Variants in RRM1 observed in about 807,000 individuals in gnomAD.
RRM1 encodes the protein ribonucleoside-diphosphate reductase large subunit.
Under a neutral mutation model 101.5 loss-of-function variants are expected in RRM1, and 19 were observed. The ratio of observed to expected loss-of-function variants is 0.19; its 90% CI spans 0.13 to 0.27. The LOEUF (loss-of-function observed/expected upper bound fraction) is 0.27. Ranked by LOEUF, RRM1 falls within the 10% of genes least tolerant of loss-of-function variation. The pLI is 1.00. For missense variants in RRM1, 500 were observed against 962.9 expected, an observed-to-expected ratio of 0.52 and a Z score of 6.36; for synonymous variants, 298 against 323.4, an observed-to-expected ratio of 0.92 and a Z score of 0.84.
intron 16 of RRM1, among the ~76,000 whole-genome samples, 186 bp from the exon 17 acceptor site, chr11:4,133,377 G>A (rs2094603611): frequency 1.3e-5 from 2 of 152,260 alleles, no homozygotes; most frequent in Middle Eastern, 3.4e-3. Context: ...CAGATGTCAA[G>A]ATCTTAAAGG....
chr11:4,128,776 C>T (rs902155536), intron 14 of RRM1, among the ~76,000 whole-genome samples: 1 of 152,122 alleles, frequency 6.6e-6, no homozygotes, highest in African/African-American at 2.4e-5. Flanking sequence ...AAGAAAGTAA[C>T]ATTTTTAGTG....
Position 4,129,150 on chromosome 11 carries a change from A to G in RRM1, c.1769A>G (p.Lys590Arg). ...DWKVLKEKIA[K>R]YGIRNSLLIA... Reference sequence around the variant, plus strand: ...AAGGTTCTCAAGGAGAAGATTGCAAAGTAAGTGAAAAGATGTAAAGTAGCT... The same window carrying G: ...AAGGTTCTCAAGGAGAAGATTGCAAGGTAAGTGAAAAGATGTAAAGTAGCT... Residue 590 changes from lysine (K) to arginine (R), a missense_variant and splice_region_variant, in exon 15 of 19, where the codon AAG becomes AGG. This residue lies in a region of RRM1 where 106 missense variants were observed against 138.1 expected (regional missense o/e 0.77). Coordinates refer to ENST00000300738, the MANE Select transcript of RRM1 (RefSeq NM_001033.5). 6.3e-7 allele frequency: 1 copy of G among 1,586,796 alleles called. No individual in the cohort carries two copies. Among genetic ancestry groups the G allele is most frequent in the Non-Finnish European group, 8.6e-7 (1 of 1,157,382 alleles).
rs181627890 is a variant in RRM1 at position 4,108,515 on chromosome 11, G to A, written c.387+980G>A. Among the ~76,000 whole-genome samples the A allele has an allele frequency of 6.2e-3, 900 of 145,524 alleles. 9 individuals carry two copies. The highest frequency in any genetic ancestry group is 0.021 in the African/African-American group (825 of 39,884). On this transcript the variant is annotated intron_variant, in intron 4 of 18. Transcript: ENST00000300738. Reference sequence around the variant, plus strand: ...CAGGAGGCTGAGGCTAGAGAATGGCGTGAACCCGGGAGGCGGAGCTTGCAG... The same window carrying A: ...CAGGAGGCTGAGGCTAGAGAATGGCATGAACCCGGGAGGCGGAGCTTGCAG...
At chr11:4,102,386 C>T (rs768103403) in intron 2 of RRM1, among the ~76,000 whole-genome samples, 2 of 152,078 alleles carry the variant, frequency 1.3e-5, no homozygotes, top group Non-Finnish European at 2.9e-5. Context: ...GGCCAGGCGC[C>T]GTGGCTCACG....
chr11:4,119,570 T>C, intron 8 of RRM1: 21 of 370,098 alleles, frequency 5.7e-5, no homozygotes. Flanking sequence ...TAAATTTAGC[T>C]ACCTTGATTT....
chr11:4,100,931 A>G (rs891940485), intron 1 of RRM1, among the ~76,000 whole-genome samples: 2 of 152,196 alleles, frequency 1.3e-5, no homozygotes, highest in South Asian at 4.1e-4. Context: ...AGAATAAATA[A>G]AGGTCGGATG....
chr11:4,102,596 G>A (rs1419901779), intron 2 of RRM1, among the ~76,000 whole-genome samples: 1 of 150,822 alleles, frequency 6.6e-6, no homozygotes, highest in African/African-American at 2.4e-5. Flanking sequence ...AGGTTGCAGT[G>A]AGCCGAGATC....
chr11:4,132,226 G>T lies in RRM1; in HGVS notation c.1770-60G>T. 2 of 1,548,378 alleles carry T rather than the reference G, an allele frequency of 1.3e-6. No homozygotes were observed. Among genetic ancestry groups the T allele is most frequent in the Non-Finnish European group, 1.8e-6 (2 of 1,121,984 alleles). On this transcript the variant is annotated intron_variant, in intron 15 of 18. Coordinates refer to ENST00000300738, the MANE Select transcript of RRM1 (RefSeq NM_001033.5). This position sits in a 1 kb window ranked among gnomAD's most constrained non-coding sequence, Gnocchi z 4.1. Reference sequence around the variant, plus strand: ...ACATTTACTACAGTGACTTAAAGTAGCTGCTTTCCTGGCAGATTGTAGCTT... The same window carrying T: ...ACATTTACTACAGTGACTTAAAGTATCTGCTTTCCTGGCAGATTGTAGCTT...
At chr11:4,135,322 C>T in intron 18 of RRM1, 52 bp downstream of exon 18, 1 of 1,385,230 alleles carries the variant, frequency 7.2e-7, no homozygotes, top group Non-Finnish European at 9.9e-7. Flanking sequence ...GATATTTTGG[C>T]ATTGGAATGA....
chr11:4,114,711 G>T (rs187207759), intron 7 of RRM1, among the ~76,000 whole-genome samples: 82 of 152,132 alleles, frequency 5.4e-4, no homozygotes, highest in African/African-American at 1.8e-3. Flanking sequence ...GTCCATCGTT[G>T]ACTTTTTTTG....
At chr11:4,112,617 G>A (rs1177419136) in intron 7 of RRM1, among the ~76,000 whole-genome samples, 1 of 152,210 alleles carries the variant, frequency 6.6e-6, no homozygotes, top group East Asian at 1.9e-4. Context: ...ACCCGCCTTG[G>A]CCTCCCAAAG....
At chr11:4,094,726 G>C, upstream of RRM1, 1 of 538,094 alleles carries the variant, frequency 1.9e-6, no homozygotes, top group Non-Finnish European at 3.4e-6. Context: ...GCTACACGTC[G>C]CCTGTCAGTC....
At chr11:4,096,591 T>G (rs982295093) in intron 1 of RRM1, among the ~76,000 whole-genome samples, 11 of 152,194 alleles carry the variant, frequency 7.2e-5, no homozygotes, top group African/African-American at 2.2e-4. Flanking sequence ...CAAAATAACA[T>G]AGTGCACTTT....
chr11:4,101,883 C>A lies in RRM1; in HGVS notation c.20-110C>A, dbSNP rs1436807295. ...GGCCTCAATCTTTTCTGTGAAATAG[C>A]ACTTCATGTTGGTCAATTTACATGT... On this transcript the variant is annotated intron_variant, in intron 1 of 18. Transcript: ENST00000300738. The A allele has an allele frequency of 1.1e-5, 7 of 644,048 alleles. No individual in the cohort carries two copies. In the East Asian group the frequency reaches 1.9e-4, roughly 17 times the overall value. 39.9% of individuals were successfully genotyped at this position (644,048 alleles called of 1,614,324 possible).
At chr11:4,099,863 CA>C (rs1256906555) in intron 1 of RRM1, among the ~76,000 whole-genome samples, 1 of 148,320 alleles carries the variant, frequency 6.7e-6, no homozygotes. Flanking sequence ...ATTACCAATG[CA>C]CTTTTTTTTT....
At chr11:4,124,915 A>AT (rs143024225) in intron 12 of RRM1, among the ~76,000 whole-genome samples, 8 of 141,924 alleles carry the variant, frequency 5.6e-5, no homozygotes, top group African/African-American at 1.6e-4. Flanking sequence ...GTATTTATTT[A>AT]TTTTATTTTT....
At chr11:4,121,047 C>G (rs2094581070) in intron 9 of RRM1, among the ~76,000 whole-genome samples, 1 of 152,132 alleles carries the variant, frequency 6.6e-6, no homozygotes, top group African/African-American at 2.4e-5. Context: ...CAAACAAAAA[C>G]TCTCCCTAAT....
intron 1 of RRM1, among the ~76,000 whole-genome samples, chr11:4,100,095 G>A (rs913753880): frequency 3.3e-5 from 5 of 152,202 alleles, no homozygotes; most frequent in African/African-American, 1.2e-4. Flanking sequence ...GCAGATGTGA[G>A]CCTGATGAGA....
At position 4,127,244 on chromosome 11, in the gene RRM1, A is replaced by G; in HGVS notation, c.1680A>G (p.Pro560=). ...QGPYETYEGS[P]VSKGILQYDM... ...CATACGAAACCTATGAGGGCTCTCC[A>G]GTTAGCAAAGGAGTAAGTATATGGA... is the stretch of plus-strand genomic sequence containing the variant. The change falls in exon 14 of 19, where the codon CCA becomes CCG. Residue 560 remains proline, a synonymous_variant. Coordinates refer to ENST00000300738, the MANE Select transcript of RRM1 (RefSeq NM_001033.5). 6.3e-7 allele frequency: 1 copy of G among 1,588,552 alleles called. No individual in the cohort carries two copies. Among genetic ancestry groups the G allele is most frequent in the South Asian group, 1.2e-5 (1 of 86,294 alleles).
Sources: gnomAD v4.1 joint callset for allele counts (sites outside exome capture counted in the v4.1 genomes callset) on GRCh38, gnomAD v4.1.1 for gene constraint, gnomAD v4.1.1 regional missense constraint, Gnocchi (gnomAD v3.1) non-coding constraint, MANE v1.5 for transcripts, NCBI Gene and HGNC (gene_info 2026-07-23, HGNC 2026-07-21) for gene names.